The following TONSL variants were observed in gnomAD, a reference collection of about 807,000 sequenced individuals.
TONSL encodes tonsoku-like protein.
Under a neutral mutation model 147.1 loss-of-function variants are expected in TONSL, and 112 were observed. The ratio of observed to expected loss-of-function variants is 0.76; its 90% CI spans 0.65 to 0.89. The LOEUF (loss-of-function observed/expected upper bound fraction) is 0.89, where lower values mean the gene tolerates loss of function less well. Ranked by LOEUF, TONSL falls within the 40% of genes least tolerant of loss-of-function variation. The probability of loss-of-function intolerance (pLI) is 0.00; values close to 1 mark genes in which losing one functional copy is unlikely to be tolerated. For missense variants in TONSL, 1,883 were observed against 1,864.6 expected (o/e 1.01, Z -0.18); for synonymous variants, 868 against 801.5 (o/e 1.08, Z -1.40).
intron 24 of TONSL, among the ~76,000 whole-genome samples, chr8:144,430,821 T>C (rs1346699833): frequency 6.6e-6 from 1 of 152,170 alleles, no homozygotes; most frequent in African/African-American, 2.4e-5. Flanking sequence ...AGTGCCCTCA[T>C]GTGGGCCGAG....
intron 25 of TONSL, 97 bp downstream of exon 25, chr8:144,430,307 G>A (rs1823129646): frequency 2.2e-6 from 3 of 1,366,420 alleles, no homozygotes; most frequent in East Asian, 2.8e-5. Flanking sequence ...TGCCTGGCTG[G>A]TAGCAGTGAC....
Position 144,433,438 on chromosome 8 carries a change from G to A in TONSL, c.3559+150C>T, listed in dbSNP as rs1195474308. Reference sequence around the variant, plus strand: ...TGGGCCAGGCTTTCCTGGAACTCTTGGCTCAAGCGATACTCCCGCCTCAGC... The same window carrying A: ...TGGGCCAGGCTTTCCTGGAACTCTTAGCTCAAGCGATACTCCCGCCTCAGC... On this transcript the variant is annotated intron_variant, in intron 22 of 25. Coordinates refer to ENST00000409379, the MANE Select transcript of TONSL (RefSeq NM_013432.5). The A allele has an allele frequency of 1.9e-5, 15 of 769,704 alleles. No homozygotes were observed. The Admixed American group carries it at 3.0e-4, about 16-fold the overall frequency. 47.7% of individuals were successfully genotyped at this position (769,704 alleles called of 1,614,324 possible). A position where few individuals can be genotyped will look rare whatever the true frequency, so the allele number is the denominator to read the frequency against.
chr8:144,439,290 G>A (rs2242268), intron 11 of TONSL, among the ~76,000 whole-genome samples: 70,200 of 151,910 alleles, frequency 0.46, 16,862 homozygotes, highest in Middle Eastern at 0.63. Flanking sequence ...GGGTCTTTCC[G>A]CAGCTCCTCA....
rs1823480553 is a variant in TONSL at position 144,436,787 on chromosome 8, C to T, written c.1860G>A (p.Arg620=). 2 of 1,611,358 alleles carry T rather than the reference C, an allele frequency of 1.2e-6. No homozygotes were observed. Among genetic ancestry groups the T allele is most frequent in the Admixed American group, 1.7e-5 (1 of 59,982 alleles). Residue 620 remains arginine (R), a synonymous_variant, in exon 15 of 26, where the codon CGG becomes CGA. Transcript: ENST00000409379. ...HFEVAELLLE[R]GASVTLRTRK... ...GAGTGCGGAGGGTGACGGACGCCCC[C>T]CGTTCAAGCAGCAGCTCAGCCACCT...
chr8:144,434,672 C>T, intron 20 of TONSL, 139 bp downstream of exon 20: 1 of 899,752 alleles, frequency 1.1e-6, no homozygotes, highest in Non-Finnish European at 1.7e-6. Flanking sequence ...CATCCAAGTG[C>T]AGGACACAGC....
Position 144,442,328 on chromosome 8 carries a change from A to T in TONSL, c.663T>A (p.Ala221=), listed in dbSNP as rs1221499176. 1.3e-6 allele frequency: 2 copies of T among 1,595,446 alleles called. No individual in the cohort carries two copies. The highest frequency in any genetic ancestry group is 1.7e-6 in the Non-Finnish European group (2 of 1,167,236). The change falls in exon 6 of 26, where the codon GCT becomes GCA. Residue 221 remains alanine, a synonymous_variant. Transcript: ENST00000409379. ...CCCGGGCACCCTCCAAGCAGCGCAT[A>T]GCCTGGGAGTGCTGGCCCGCGCGCC... ...IHWRAGQHSQ[A]MRCLEGAREC... is the part of the protein sequence containing the mutation.
intron 5 of TONSL, 33 bp from the exon 6 acceptor site, chr8:144,442,445 G>C: frequency 6.6e-7 from 1 of 1,520,574 alleles, no homozygotes; most frequent in Non-Finnish European, 8.8e-7. Context: ...GAGCACCCAG[G>C]AGTGTCCATG....
intron 14 of TONSL, 25 bp from the exon 15 acceptor site, chr8:144,436,945 A>G (rs991076230): frequency 6.2e-7 from 1 of 1,610,854 alleles, no homozygotes; most frequent in Non-Finnish European, 8.5e-7. Context: ...ACGTAAGCCC[A>G]GCTCCCGATG....
rs1316741305 is a variant in TONSL, at chr8:144,437,034, C to A, written c.1719G>T (p.Gly573=). ...CTTCTGTCCCTTGCTCACCTAGATG[C>A]CCGTAGTTGCAGGCCTCGTGCAGAG... ...WTPLHEACNY[G]HLEIVRFLLD... The change falls in exon 14 of 26, where the codon GGG becomes GGT. Residue 573 remains glycine (G), a synonymous_variant. Transcript: ENST00000409379. The A allele has an allele frequency of 1.2e-6, 2 of 1,613,360 alleles. No homozygotes were observed. Among genetic ancestry groups the A allele is most frequent in the Non-Finnish European group, 1.7e-6 (2 of 1,179,972 alleles).
chr8:144,429,136 G>GCCA lies in TONSL; in HGVS notation c.*4_*6dup. On this transcript the variant is annotated 3_prime_UTR_variant, in exon 26 of 26. Transcript: ENST00000409379. ...TTCGGTGAGGGTGGGGAAAGGCAGC[G>GCCA]CCAGGGTCAGAGGCGCCGAAAGAAG... 6.6e-7 allele frequency: 1 copy of GCCA among 1,517,774 alleles called. No individual in the cohort carries two copies. The highest frequency in any genetic ancestry group is 8.8e-7 in the Non-Finnish European group (1 of 1,138,114). 94.0% of individuals were successfully genotyped at this position (1,517,774 alleles called of 1,614,324 possible).
At chr8:144,441,391 G>A (rs1712613482) in intron 7 of TONSL, 1 of 381,234 alleles carries the variant, frequency 2.6e-6, no homozygotes, top group African/African-American at 2.0e-5. Flanking sequence ...AGGAGATCGA[G>A]ACCATCCTGG....
Position 144,440,408 on chromosome 8 carries a change from G to A in TONSL, c.1233C>T (p.Ala411=), listed in dbSNP as rs751708460. The change falls in exon 10 of 26, where the codon GCC becomes GCT. Residue 411 remains alanine (A), a synonymous_variant. Transcript: ENST00000409379. ...AGCTGAGCGCTTTCTGGAAGCACGG[G>A]GCCAGCAGCTCGTAGGCATCGCCGG... is the stretch of plus-strand genomic sequence containing the variant. The part of the protein sequence containing the change: ...EEAGDAYELL[A]PCFQKALSCA... The A allele has an allele frequency of 3.5e-5, 57 of 1,608,846 alleles. No homozygotes were observed. Among genetic ancestry groups the A allele is most frequent in the Non-Finnish European group, 4.2e-5 (50 of 1,177,426 alleles).
At position 144,440,011 on chromosome 8, in the gene TONSL, T is replaced by C. The variant is rs375003130; in HGVS notation, c.1480+10A>G. 7.6e-6 allele frequency: 8 copies of C among 1,047,492 alleles called. No homozygotes were observed. The East Asian group carries it at 1.4e-4, about 19-fold the overall frequency. 64.9% of individuals were successfully genotyped at this position (1,047,492 alleles called of 1,614,324 possible). ...GGCCCAGGGAAATGCAAGGTGCCGC[T>C]GGCCCTCACCGCCCTCTGAGAGCTC... On this transcript the variant is annotated intron_variant, in intron 11 of 25. Coordinates refer to ENST00000409379, the MANE Select transcript of TONSL (RefSeq NM_013432.5).
chr8:144,439,807 C>A (rs1046763700), intron 11 of TONSL: 5 of 550,754 alleles, frequency 9.1e-6, no homozygotes, highest in African/African-American at 7.8e-5. Flanking sequence ...TCACTCGACT[C>A]CCAACCACTG....
chr8:144,434,773 C>T (rs370268000), intron 20 of TONSL, 38 bp downstream of exon 20: 80 of 1,601,696 alleles, frequency 5.0e-5, no homozygotes, highest in African/African-American at 6.7e-5. Context: ...CCCCCTTGTA[C>T]GACCTCACCC....
In TONSL at chr8:144,436,247, C is replaced by T; in HGVS notation, c.2186G>A (p.Arg729Lys). Reference sequence around the variant, plus strand: ...TGGCCCATGCCTGCTCCTCCGAGGCCTGGCCATGGCTGGTGCCGCCTGCCC... The same window carrying T: ...TGGCCCATGCCTGCTCCTCCGAGGCTTGGCCATGGCTGGTGCCGCCTGCCC... ...SPGQAAPAMA[R>K]PRRSRHGPAS... The change falls in exon 17 of 26, where the codon AGG becomes AAG. Residue 729 changes from arginine (R) to lysine (K), a missense_variant. Arg to Lys is a conservative substitution (Grantham distance 26, BLOSUM62 2). Transcript: ENST00000409379. 1 of 1,535,584 alleles carries T rather than the reference C, an allele frequency of 6.5e-7. No individual in the cohort carries two copies. The highest frequency in any genetic ancestry group is 8.7e-7 in the Non-Finnish European group (1 of 1,145,302).
chr8:144,442,596 ACT>A, intron 5 of TONSL, 79 bp downstream of exon 5: 1 of 1,547,546 alleles, frequency 6.5e-7, no homozygotes, highest in Non-Finnish European at 8.7e-7. Flanking sequence ...TCTCAGGAGG[ACT>A]CTGGGAAAAA....
rs782623625 is a variant in TONSL, at chr8:144,430,442, T to C, written c.3905A>G (p.Gln1302Arg). ...ASLEELLSTL[Q>R]KRPQGLSFLG... ...GAAGCTAAGGCCTTGGGGCCGCTTT[T>C]GGAGGGTGGACAGGAGCTCTTCCAA... Residue 1302 changes from glutamine to arginine, a missense_variant, in exon 25 of 26, where the codon CAA becomes CGA. Physicochemically the swap from Gln to Arg is conservative, Grantham distance 43 (BLOSUM62 1). Transcript: ENST00000409379. 6.2e-7 allele frequency: 1 copy of C among 1,612,654 alleles called. No homozygotes were observed. The highest frequency in any genetic ancestry group is 1.1e-5 in the South Asian group (1 of 90,800).
Position 144,434,069 on chromosome 8 carries a change from CTGGGCATGG to C in TONSL, c.3287_3295del (p.Thr1096_Pro1098del). 6.2e-7 allele frequency: 1 copy of C among 1,612,318 alleles called. No individual in the cohort carries two copies. Among genetic ancestry groups the C allele is most frequent in the Non-Finnish European group, 8.5e-7 (1 of 1,179,606 alleles). ...GGAGGAGAGGTCAAGGAGGGCCAGG[CTGGGCATGG>C]TGCCCAGGGCAGCCACCAGCTCAGC... On this transcript the variant is annotated inframe_deletion, in exon 21 of 26. Coordinates refer to ENST00000409379, the MANE Select transcript of TONSL (RefSeq NM_013432.5).
Sources: gnomAD v4.1 joint callset for allele counts (sites outside exome capture counted in the v4.1 genomes callset) on GRCh38, gnomAD v4.1.1 for gene constraint, MANE v1.5 for transcripts, NCBI Gene and HGNC (gene_info 2026-07-23, HGNC 2026-07-21) for gene names.